The following FOXP1 variants were observed in gnomAD, a reference collection of about 807,000 sequenced individuals.
The protein encoded by FOXP1 is forkhead box P1, also known as forkhead box protein P1.
In FOXP1, 15 loss-of-function variants were observed where a neutral mutation model predicts 98.2. That is an observed-to-expected ratio of 0.15 (90% CI 0.10 to 0.24). The LOEUF (loss-of-function observed/expected upper bound fraction) is 0.24. Among genes scored for constraint, FOXP1 ranks in the 10% least tolerant of loss-of-function variants. The pLI is 1.00. For missense variants in FOXP1, 633 were observed against 848.5 expected, an observed-to-expected ratio of 0.75 and a Z score of 3.15; for synonymous variants, 371 against 314.5, an observed-to-expected ratio of 1.18 and a Z score of -1.90.
intron 7 of FOXP1, among the ~76,000 whole-genome samples, chr3:71,099,420 G>A (rs1474995999): frequency 6.6e-6 from 1 of 152,176 alleles, no homozygotes; most frequent in Non-Finnish European, 1.5e-5. Flanking sequence ...GCTGAGGCGG[G>A]AGAATTGCTT....
At chr3:71,427,296 C>A (rs558093489) in intron 3 of FOXP1, among the ~76,000 whole-genome samples, 3 of 151,912 alleles carry the variant, frequency 2.0e-5, no homozygotes, top group African/African-American at 4.8e-5. Flanking sequence ...GGATACAAAA[C>A]GGAGAAGGGA....
intron 7 of FOXP1, among the ~76,000 whole-genome samples, chr3:71,060,195 T>C (rs949952867): frequency 6.6e-6 from 1 of 152,084 alleles, no homozygotes; most frequent in Non-Finnish European, 1.5e-5. Flanking sequence ...AGGCCAAAAT[T>C]AGACCATTTC....
intron 2 of FOXP1, among the ~76,000 whole-genome samples, chr3:71,557,113 T>C (rs1578167031): frequency 6.6e-6 from 1 of 152,248 alleles, no homozygotes. Context: ...TACACAAAAA[T>C]GTCAATAGCT....
intron 7 of FOXP1, among the ~76,000 whole-genome samples, chr3:71,071,969 A>G (rs934021945): frequency 6.6e-6 from 1 of 152,220 alleles, no homozygotes; most frequent in Non-Finnish European, 1.5e-5. Context: ...CACATTTTAC[A>G]TTAGCAAAGG....
intron 3 of FOXP1, among the ~76,000 whole-genome samples, chr3:71,446,016 T>G (rs2086382877): frequency 6.6e-6 from 1 of 151,594 alleles, no homozygotes; most frequent in Non-Finnish European, 1.5e-5. Context: ...CATACAAGTA[T>G]CTATTGAAAA....
chr3:71,482,804 G>T (rs1191749334), intron 3 of FOXP1, among the ~76,000 whole-genome samples: 1 of 151,170 alleles, frequency 6.6e-6, no homozygotes, highest in African/African-American at 2.4e-5. Flanking sequence ...TAATAACACT[G>T]GTTAGGAAGA....
intron 3 of FOXP1, among the ~76,000 whole-genome samples, chr3:71,423,020 G>C (rs1307095917): frequency 1.3e-5 from 2 of 152,152 alleles, no homozygotes; most frequent in South Asian, 4.1e-4. Flanking sequence ...AGAGCTGCCT[G>C]AAGCCCAACA....
chr3:71,502,184 C>T (rs1473671373), intron 2 of FOXP1, among the ~76,000 whole-genome samples: 7 of 152,198 alleles, frequency 4.6e-5, no homozygotes, highest in African/African-American at 1.4e-4. Context: ...ACAAACCTTC[C>T]GTTCCCACTG....
chr3:71,222,610 G>C (rs140434013), intron 5 of FOXP1, among the ~76,000 whole-genome samples: 1,549 of 152,074 alleles, frequency 0.01, 18 homozygotes, highest in Non-Finnish European at 0.016. Flanking sequence ...GTAGAGATGG[G>C]GTTTCACCAT....
At chr3:71,188,412 T>C (rs113714532) in intron 6 of FOXP1, among the ~76,000 whole-genome samples, 2,023 of 152,130 alleles carry the variant, frequency 0.013, 53 homozygotes, top group African/African-American at 0.046. Context: ...TCTTTATTTT[T>C]TTTTTCCTTT....
intron 3 of FOXP1, among the ~76,000 whole-genome samples, chr3:71,379,441 G>C (rs2079975939): frequency 6.6e-6 from 1 of 152,060 alleles, no homozygotes; most frequent in Non-Finnish European, 1.5e-5. Context: ...AACAAAGCGA[G>C]AACCTCTCCA....
intron 6 of FOXP1, among the ~76,000 whole-genome samples, chr3:71,113,667 C>T (rs958262378): frequency 5.7e-5 from 8 of 139,444 alleles, no homozygotes; most frequent in Non-Finnish European, 6.1e-5. Context: ...AAGTCGAGAT[C>T]GCACCACTGT....
At chr3:71,072,973 G>C (rs2053424589) in intron 7 of FOXP1, among the ~76,000 whole-genome samples, 1 of 152,208 alleles carries the variant, frequency 6.6e-6, no homozygotes, top group Non-Finnish European at 1.5e-5. Flanking sequence ...AATGCGTCTA[G>C]CCTGCAGGCC....
At chr3:71,160,388 A>G (rs2061076292) in intron 6 of FOXP1, among the ~76,000 whole-genome samples, 1 of 152,212 alleles carries the variant, frequency 6.6e-6, no homozygotes, top group Non-Finnish European at 1.5e-5. Flanking sequence ...GGAGCTGGTC[A>G]GGTACTGGGA....
intron 3 of FOXP1, among the ~76,000 whole-genome samples, chr3:71,397,251 G>A (rs2081597177): frequency 6.6e-6 from 1 of 150,984 alleles, no homozygotes; most frequent in African/African-American, 2.4e-5. Flanking sequence ...GAGCTTAGGA[G>A]GCAAAAACCC....
intron 6 of FOXP1, among the ~76,000 whole-genome samples, chr3:71,159,104 C>CAAAAAA (rs34653634): frequency 1.3e-5 from 1 of 78,000 alleles, no homozygotes; most frequent in Admixed American, 1.5e-4. Flanking sequence ...AACCCTATCT[C>CAAAAAA]AAAAAAAAAA....
At chr3:71,520,692 A>C (rs2042914893) in intron 2 of FOXP1, among the ~76,000 whole-genome samples, 1 of 152,264 alleles carries the variant, frequency 6.6e-6, no homozygotes, top group Non-Finnish European at 1.5e-5. Context: ...TGCTGAGAAC[A>C]GTGTGTATCA....
intron 6 of FOXP1, among the ~76,000 whole-genome samples, chr3:71,143,674 G>A (rs1485586654): frequency 1.3e-5 from 2 of 152,142 alleles, no homozygotes; most frequent in Non-Finnish European, 2.9e-5. Flanking sequence ...TGGGAGGATC[G>A]CTTGAGCCCA....
rs181491241 is a variant in FOXP1 at position 71,229,585 on chromosome 3, C to T, written c.-11-31193G>A. 1.6e-3 allele frequency among the ~76,000 whole-genome samples: 241 copies of T among 151,944 alleles called. 3 individuals carry two copies. The highest frequency in any genetic ancestry group is 5.2e-3 in the African/African-American group (216 of 41,448). Reference sequence around the variant, plus strand: ...GTATATACTTAATGTTGAATACTGTCAGGGAAAAAAAGGGTTCTCAAAATC... The same window carrying T: ...GTATATACTTAATGTTGAATACTGTTAGGGAAAAAAAGGGTTCTCAAAATC... On this transcript the variant is annotated intron_variant, in intron 5 of 20. Transcript: ENST00000649528.
Sources: allele counts gnomAD v4.1 joint callset (sites outside exome capture counted in the v4.1 genomes callset), GRCh38; gene constraint gnomAD v4.1.1; transcripts MANE v1.5; gene names NCBI Gene and HGNC (gene_info 2026-07-23, HGNC 2026-07-21).